MYO5C: variants seen among roughly 807,000 people sequenced by gnomAD.
The protein encoded by MYO5C is unconventional myosin-Vc.
A neutral mutation model predicts 235.7 loss-of-function variants in MYO5C; 194 were observed. The observed-to-expected ratio is 0.82, with a 90% CI of 0.73 to 0.93. The LOEUF (loss-of-function observed/expected upper bound fraction) is 0.93, where lower values mean the gene tolerates loss of function less well. Among genes scored for constraint, MYO5C ranks in the 40% least tolerant of loss-of-function variants. MYO5C has a pLI of 0.00. For synonymous variants in MYO5C, 707 were observed against 754.8 expected, an observed-to-expected ratio of 0.94 and a Z score of 1.04; for missense variants, 2,038 against 2,127.2, an observed-to-expected ratio of 0.96 and a Z score of 0.82.
intron 13 of MYO5C, 45 bp downstream of exon 13, chr15:52,251,345 T>A: frequency 1.3e-6 from 2 of 1,544,832 alleles, no homozygotes; most frequent in Non-Finnish European, 1.8e-6. Context: ...CTGGAGGCTG[T>A]ACAGGTTCCG....
At chr15:52,239,059 C>A (rs535236191) in intron 21 of MYO5C, among the ~76,000 whole-genome samples, 1 of 152,324 alleles carries the variant, frequency 6.6e-6, no homozygotes, top group East Asian at 1.9e-4. Context: ...TCAAGCAATT[C>A]TCTTGCCTCA....
intron 30 of MYO5C, among the ~76,000 whole-genome samples, chr15:52,220,104 A>T (rs1566966677): frequency 6.6e-6 from 1 of 152,232 alleles, no homozygotes; most frequent in Non-Finnish European, 1.5e-5. Context: ...CATGGGCTGC[A>T]TGTGGCCTAT....
intron 37 of MYO5C, 45 bp downstream of exon 37, chr15:52,205,771 T>G (rs777462704): frequency 1.6e-6 from 2 of 1,281,846 alleles, no homozygotes; most frequent in South Asian, 1.6e-5. Context: ...TTAAAAAGTC[T>G]TAATGTTACT....
chr15:52,286,312 A>AG (rs1767189716), intron 1 of MYO5C, among the ~76,000 whole-genome samples: 1 of 136,960 alleles, frequency 7.3e-6, no homozygotes, highest in African/African-American at 2.8e-5. Context: ...TCCGGGAGGG[A>AG]GGTGGGGGGG....
intron 22 of MYO5C, among the ~76,000 whole-genome samples, chr15:52,236,070 C>A (rs188156833): frequency 1.0e-3 from 154 of 152,330 alleles, no homozygotes; most frequent in Non-Finnish European, 1.5e-3. Context: ...TCGAGCTTCT[C>A]AATAGCCAGG....
chr15:52,275,246 C>G (rs1420372039), intron 5 of MYO5C, among the ~76,000 whole-genome samples: 1 of 152,248 alleles, frequency 6.6e-6, no homozygotes, highest in African/African-American at 2.4e-5. Flanking sequence ...CTGATGCCAG[C>G]TGGGTGGAGA....
intron 10 of MYO5C, among the ~76,000 whole-genome samples, chr15:52,257,635 C>G (rs1596200724): frequency 6.6e-6 from 1 of 152,332 alleles, no homozygotes; most frequent in East Asian, 1.9e-4. Context: ...TGCACGTCAC[C>G]TCCTATAACC....
intron 7 of MYO5C, among the ~76,000 whole-genome samples, 178 bp from the exon 8 acceptor site, chr15:52,270,038 C>T (rs2036886807): frequency 6.6e-6 from 1 of 152,066 alleles, no homozygotes; most frequent in African/African-American, 2.4e-5. Flanking sequence ...GCCTGTAATC[C>T]CAGCACTTTG....
At chr15:52,207,762 A>T (rs574280535) in intron 36 of MYO5C, among the ~76,000 whole-genome samples, 6 of 152,346 alleles carry the variant, frequency 3.9e-5, no homozygotes, top group South Asian at 2.1e-4. Context: ...TCCATATGAT[A>T]TAAAGACCTC....
chr15:52,281,131 C>G (rs778021032), intron 2 of MYO5C, among the ~76,000 whole-genome samples: 1 of 152,210 alleles, frequency 6.6e-6, no homozygotes, highest in Non-Finnish European at 1.5e-5. Flanking sequence ...AAATCCACAA[C>G]CCCCACTTCT....
intron 10 of MYO5C, among the ~76,000 whole-genome samples, chr15:52,260,416 C>A (rs2036669343): frequency 6.6e-6 from 1 of 152,210 alleles, no homozygotes; most frequent in East Asian, 1.9e-4. Flanking sequence ...GGGAAGGGAC[C>A]TTGGGGCTCC....
chr15:52,217,156 G>A (rs2035573855), intron 32 of MYO5C, among the ~76,000 whole-genome samples: 1 of 152,212 alleles, frequency 6.6e-6, no homozygotes, highest in Non-Finnish European at 1.5e-5. Context: ...GCCGGCTAAT[G>A]TATAGAGATG....
chr15:52,249,997 G>A (rs2036438155), intron 13 of MYO5C, among the ~76,000 whole-genome samples: 1 of 152,174 alleles, frequency 6.6e-6, no homozygotes, highest in Non-Finnish European at 1.5e-5. Context: ...GAAGTGGCAG[G>A]TGAGAGAATT....
In MYO5C at chr15:52,241,970, C is replaced by A. The variant is rs572185916; in HGVS notation, c.2556+78G>T. On this transcript the variant is annotated intron_variant, in intron 20 of 40. Coordinates refer to ENST00000261839, the MANE Select transcript of MYO5C (RefSeq NM_018728.4). The stretch of plus-strand genomic sequence containing the variant: ...AAAGTGAGGTTGCCCATAGTGAAGT[C>A]TTTCCCTGGGCCCTGTTTTGTTCTC... 1.2e-5 allele frequency: 18 copies of A among 1,461,750 alleles called. No individual in the cohort carries two copies. In the South Asian group the frequency reaches 1.8e-4, roughly 15 times the overall value. The allele number at this position is 1,461,750 out of a possible 1,614,324, so 90.5% of individuals were successfully genotyped here. A position where few individuals can be genotyped will look rare whatever the true frequency, so the allele number is the denominator to read the frequency against.
chr15:52,207,982 G>C (rs538128681), intron 36 of MYO5C, among the ~76,000 whole-genome samples: 56 of 152,178 alleles, frequency 3.7e-4, no homozygotes, highest in Non-Finnish European at 6.9e-4. Context: ...ACCAAGTGTT[G>C]GTGAAGGTAT....
chr15:52,240,590 G>A (rs555282107), intron 20 of MYO5C, among the ~76,000 whole-genome samples: 32 of 151,456 alleles, frequency 2.1e-4, no homozygotes, highest in Non-Finnish European at 1.3e-4. Flanking sequence ...AAATTAGCTG[G>A]GCATGGTGGC....
chr15:52,264,801 G>A (rs1279950805), intron 8 of MYO5C, among the ~76,000 whole-genome samples: 1 of 152,174 alleles, frequency 6.6e-6, no homozygotes, highest in Non-Finnish European at 1.5e-5. Flanking sequence ...TTCATGGGGA[G>A]CCCTAGCAGG....
chr15:52,287,919 TGAG>T (rs2037310697), intron 1 of MYO5C, among the ~76,000 whole-genome samples: 1 of 151,222 alleles, frequency 6.6e-6, no homozygotes, highest in Non-Finnish European at 1.5e-5. Flanking sequence ...GAGGTTTCTG[TGAG>T]GCAAGATCTT....
At chr15:52,244,221 A>G in intron 19 of MYO5C, 135 bp downstream of exon 19, 1 of 781,656 alleles carries the variant, frequency 1.3e-6, no homozygotes. Flanking sequence ...GCTCACGACC[A>G]CAAAGGGGAC....
Sources: allele counts gnomAD v4.1 joint callset (sites outside exome capture counted in the v4.1 genomes callset), GRCh38; gene constraint gnomAD v4.1.1; transcripts MANE v1.5; gene names NCBI Gene and HGNC (gene_info 2026-07-23, HGNC 2026-07-21).